Variants in MAP7D2 observed in about 807,000 individuals in gnomAD.
The protein encoded by MAP7D2 is MAP7 domain containing 2.
MAP7D2 carries 33 observed loss-of-function variants against 63.5 expected under a neutral mutation model. The observed-to-expected ratio is 0.52, with a 90% CI of 0.39 to 0.70. MAP7D2 has a LOEUF of 0.70. MAP7D2 is among the 30% of genes least tolerant of loss of function. The pLI, the probability that MAP7D2 is intolerant of heterozygous loss-of-function variation, is 0.00. For missense variants in MAP7D2, 626 were observed against 604.0 expected, an observed-to-expected ratio of 1.04 and a Z score of -0.38; for synonymous variants, 224 against 223.7, an observed-to-expected ratio of 1.00 and a Z score of -0.01.
At chrX:20,044,293 C>A (rs2064736602) in intron 7 of MAP7D2, 71 bp downstream of exon 7, 7 of 1,059,843 alleles carry the variant, frequency 6.6e-6, no homozygotes, top group Non-Finnish European at 9.1e-6. Context: ...CCAGGTCAAG[C>A]ACAGAAGTAA....
At chrX:20,113,843 T>C (rs1266277576) in intron 1 of MAP7D2, among the ~76,000 whole-genome samples, 1 of 111,979 alleles carries the variant, frequency 8.9e-6, no homozygotes, top group Admixed American at 9.5e-5. Context: ...AATCCAGTCA[T>C]ACTAGTAGTT....
intron 8 of MAP7D2, among the ~76,000 whole-genome samples, chrX:20,027,196 C>T (rs146492036): frequency 0.014 from 1,578 of 112,076 alleles, 8 homozygotes; most frequent in Middle Eastern, 0.018. Flanking sequence ...ACTCAGAACT[C>T]CCAAGACACC....
At position 20,022,110 on chromosome X, in the gene MAP7D2, G is replaced by A. The variant is rs769364618; in HGVS notation, c.1412+2841C>T. ...TGGTCAGTTCTGTCCCAGGCACAGG[G>A]CCAGAAAAGGTACAGGGAGGGAGCA... On this transcript the variant is annotated intron_variant, in intron 10 of 16. Transcript: ENST00000379643. Among the ~76,000 whole-genome samples the A allele has an allele frequency of 1.5e-3, 169 of 111,889 alleles. 1 individual carries two copies. Among genetic ancestry groups the A allele is most frequent in the African/African-American group, 5.2e-3 (160 of 30,805 alleles).
chrX:20,080,060 T>C (rs1340325198), intron 1 of MAP7D2, among the ~76,000 whole-genome samples: 1 of 111,705 alleles, frequency 9.0e-6, no homozygotes, highest in Non-Finnish European at 1.9e-5. Context: ...GCTCCCACCC[T>C]GGATCCTCAT....
In MAP7D2 at chrX:20,013,566, T is replaced by C. The variant is rs778895577; in HGVS notation, c.1806+3A>G. 2 of 1,187,816 alleles carry C rather than the reference T, an allele frequency of 1.7e-6. No homozygotes were observed. The highest frequency in any genetic ancestry group is 3.7e-5 in the South Asian group (2 of 54,711). On this transcript the variant is annotated splice_donor_region_variant and intron_variant, in intron 13 of 16. Transcript: ENST00000379643. ...CTATTAAAATGGTCATTTGAATTCC[T>C]ACCTTCACTTGTGGAGACACATCAC...
intron 1 of MAP7D2, among the ~76,000 whole-genome samples, chrX:20,084,111 G>T (rs944341419): frequency 2.8e-5 from 3 of 107,998 alleles, no homozygotes; most frequent in African/African-American, 1.0e-4. Context: ...TGAGGCAGGA[G>T]AATCACTTGA....
At chrX:20,091,343 G>A (rs1298150707) in intron 1 of MAP7D2, among the ~76,000 whole-genome samples, 2 of 105,547 alleles carry the variant, frequency 1.9e-5, no homozygotes, top group African/African-American at 3.4e-5. Flanking sequence ...GTGAGCCACC[G>A]TGCCCGGCCC....
intron 1 of MAP7D2, among the ~76,000 whole-genome samples, chrX:20,105,516 G>A (rs1410150535): frequency 1.8e-5 from 2 of 111,973 alleles, no homozygotes; most frequent in African/African-American, 6.5e-5. Flanking sequence ...GAAAGATGGA[G>A]GCAGAACCAG....
intron 4 of MAP7D2, chrX:20,055,775 G>A (rs755657416): frequency 1.4e-5 from 14 of 1,000,552 alleles, no homozygotes; most frequent in Middle Eastern, 2.9e-4. Flanking sequence ...CCCTGCATCC[G>A]GAGGGAGGGT....
At chrX:20,014,165 C>A (rs1309664844) in intron 12 of MAP7D2, among the ~76,000 whole-genome samples, 1 of 112,712 alleles carries the variant, frequency 8.9e-6, no homozygotes, top group Admixed American at 9.4e-5. Context: ...GACTGTCAAA[C>A]AGAATTAAAA....
intron 2 of MAP7D2, among the ~76,000 whole-genome samples, chrX:20,063,968 G>A (rs2065286018): frequency 8.9e-6 from 1 of 112,656 alleles, no homozygotes; most frequent in Admixed American, 9.3e-5. Context: ...GAGCAATGAT[G>A]CTTATAAGGC....
chrX:20,108,149 T>C (rs1454366259), intron 1 of MAP7D2, among the ~76,000 whole-genome samples: 1 of 111,172 alleles, frequency 9.0e-6, no homozygotes, highest in African/African-American at 3.3e-5. Flanking sequence ...TGATGGGCTG[T>C]GGGGAGGGAG....
intron 7 of MAP7D2, among the ~76,000 whole-genome samples, chrX:20,043,411 A>G (rs982313420): frequency 8.9e-6 from 1 of 112,289 alleles, no homozygotes; most frequent in Non-Finnish European, 1.9e-5. Flanking sequence ...TGACTTACTT[A>G]AAGGACACTG....
chrX:20,027,564 C>T (rs974369670), intron 8 of MAP7D2, among the ~76,000 whole-genome samples: 3 of 110,721 alleles, frequency 2.7e-5, no homozygotes, highest in African/African-American at 9.9e-5. Context: ...ATGCCAGCAG[C>T]AGTCCGCTCC....
intron 1 of MAP7D2, among the ~76,000 whole-genome samples, chrX:20,090,478 A>G (rs989585050): frequency 9.0e-6 from 1 of 111,507 alleles, no homozygotes; most frequent in African/African-American, 3.3e-5. Context: ...CCAATGAGAA[A>G]CCCATACCAT....
Position 20,044,463 on chromosome X carries a change from T to C in MAP7D2, c.780A>G (p.Ser260=). 2 of 1,210,187 alleles carry C rather than the reference T, an allele frequency of 1.7e-6. No individual in the cohort carries two copies. Among genetic ancestry groups the C allele is most frequent in the South Asian group, 3.5e-5 (2 of 56,925 alleles). Reference sequence around the variant, plus strand: ...TCTTCTTCTCAATGTTTCGAGTGGGTGAAGACTTGTAAGAAGGGTTAAGAG... The same window carrying C: ...TCTTCTTCTCAATGTTTCGAGTGGGCGAAGACTTGTAAGAAGGGTTAAGAG... ...LGPLNPSYKS[S]PTRNIEKKKA... The change falls in exon 7 of 17, where the codon TCA becomes TCG. Residue 260 remains serine (S), a synonymous_variant. Transcript: ENST00000379643.
At chrX:20,037,801 T>G (rs1215495338) in intron 8 of MAP7D2, among the ~76,000 whole-genome samples, 1 of 111,676 alleles carries the variant, frequency 9.0e-6, no homozygotes, top group Non-Finnish European at 1.9e-5. Context: ...GGTCAAAAAC[T>G]GAGGACATTT....
At chrX:20,062,174 C>G (rs1004649655) in intron 3 of MAP7D2, among the ~76,000 whole-genome samples, 4 of 112,239 alleles carry the variant, frequency 3.6e-5, no homozygotes, top group Non-Finnish European at 7.5e-5. Context: ...TTGCTGGGCA[C>G]TTTTACAAAA....
intron 1 of MAP7D2, among the ~76,000 whole-genome samples, chrX:20,075,667 T>A (rs985698134): frequency 8.9e-6 from 1 of 111,909 alleles, no homozygotes; most frequent in African/African-American, 3.3e-5. Flanking sequence ...TAGGAATTCA[T>A]CTTTTGACAC....
Sources: gnomAD v4.1 joint callset for allele counts (sites outside exome capture counted in the v4.1 genomes callset) on GRCh38, gnomAD v4.1.1 for gene constraint, MANE v1.5 for transcripts, NCBI Gene and HGNC (gene_info 2026-07-23, HGNC 2026-07-21) for gene names.